Variants in SZT2 observed in about 807,000 individuals in gnomAD.
SZT2 encodes the protein KICSTOR complex protein SZT2.
SZT2 carries 216 observed loss-of-function variants against 404.2 expected under a neutral mutation model. The ratio of observed to expected loss-of-function variants is 0.53; its 90% CI spans 0.48 to 0.60. The LOEUF (loss-of-function observed/expected upper bound fraction) is 0.60. Ranked by LOEUF, SZT2 falls within the 20% of genes least tolerant of loss-of-function variation. The pLI, the probability that SZT2 is intolerant of heterozygous loss-of-function variation, is 0.00. For synonymous variants in SZT2, 1,693 were observed against 1,749.9 expected, an observed-to-expected ratio of 0.97 and a Z score of 0.81; for missense variants, 3,857 against 4,459.2, an observed-to-expected ratio of 0.86 and a Z score of 3.85.
In SZT2 at chr1:43,431,365, G is replaced by A; in HGVS notation, c.5017G>A (p.Glu1673Lys). The A allele has an allele frequency of 4.3e-6, 7 of 1,612,364 alleles. No individual in the cohort carries two copies. The highest frequency in any genetic ancestry group is 5.1e-6 in the Non-Finnish European group (6 of 1,178,526). ...CGGGCCCCCACTGCCACCCCCAGAAGAGGAGAGGTACTTCTTTATCTCCCT... is the reference window on the plus strand; with the variant it reads ...CGGGCCCCCACTGCCACCCCCAGAAAAGGAGAGGTACTTCTTTATCTCCCT... ...GLGPPLPPPE[E>K]ERHPGLSNLA... Residue 1673 changes from glutamate (E) to lysine (K), a missense_variant, in exon 34 of 72, where the codon GAG becomes AAG. Glu to Lys is a moderately conservative substitution (Grantham distance 56). Around this residue, in one of 7 missense-constraint regions of SZT2, gnomAD observed 1,725 missense variants for 1,881.0 expected, o/e 0.92. Transcript: ENST00000634258.
chr1:43,451,781 T>G lies in SZT2; in HGVS notation c.*1301T>G. On this transcript the variant is annotated 3_prime_UTR_variant, in exon 72 of 72. Transcript: ENST00000634258. ...CCCGCCCTCCTTCCGATCTGCGAAGTACCCCCTTCCACTTACCATTTGTAA... is the reference window on the plus strand; with the variant it reads ...CCCGCCCTCCTTCCGATCTGCGAAGGACCCCCTTCCACTTACCATTTGTAA... The G allele has an allele frequency of 6.2e-7, 1 of 1,614,110 alleles. No homozygotes were observed. Among genetic ancestry groups the G allele is most frequent in the South Asian group, 1.1e-5 (1 of 91,080 alleles).
At position 43,453,949 on chromosome 1, in the gene SZT2, C is replaced by A. The variant is rs888881900; in HGVS notation, c.*3469C>A. ...AAGCGAAGTGCTGTAAAAACCCGGG[C>A]CTTCACGAAAAGCGCCTACGGTTAG... On this transcript the variant is annotated 3_prime_UTR_variant, in exon 72 of 72. Coordinates refer to ENST00000634258, the MANE Select transcript of SZT2 (RefSeq NM_001365999.1). 1.7e-6 allele frequency: 2 copies of A among 1,199,888 alleles called. No homozygotes were observed. The highest frequency in any genetic ancestry group is 2.1e-6 in the Non-Finnish European group (2 of 967,716). 74.3% of individuals were successfully genotyped at this position (1,199,888 alleles called of 1,614,324 possible). A position where few individuals can be genotyped will look rare whatever the true frequency, so the allele number is the denominator to read the frequency against.
At position 43,420,775 on chromosome 1, in the gene SZT2, G is replaced by A. The variant is rs544287615; in HGVS notation, c.1288G>A (p.Val430Met). ...AGGGTCCCAATTGGAGGTAAAGCTG[G>A]TGCTGCTGTGGAAACACAACATGCG... ...KGGSQLEVKLVLLWKHNMRIE... is the reference protein window; with the variant it reads ...KGGSQLEVKLMLLWKHNMRIE... The change falls in exon 10 of 72, where the codon GTG becomes ATG. Residue 430 changes from valine (V) to methionine (M), a missense_variant. Val to Met is a conservative substitution (Grantham distance 21). Coordinates refer to ENST00000634258, the MANE Select transcript of SZT2 (RefSeq NM_001365999.1). The surrounding 1 kb of genome is among the most constrained non-coding windows in gnomAD (Gnocchi z 5.1). 1.3e-5 allele frequency: 20 copies of A among 1,598,424 alleles called. No individual in the cohort carries two copies. Among genetic ancestry groups the A allele is most frequent in the African/African-American group, 2.7e-5 (2 of 75,036 alleles).
chr1:43,401,632 C>T (rs367915016), intron 1 of SZT2, among the ~76,000 whole-genome samples: 38 of 151,992 alleles, frequency 2.5e-4, no homozygotes, highest in African/African-American at 8.2e-4. Context: ...ATTACAGGTG[C>T]CTGCCACCAC....
At chr1:43,440,377 C>A in intron 51 of SZT2, 76 bp from the exon 52 acceptor site, 3 of 1,508,716 alleles carry the variant, frequency 2.0e-6, no homozygotes, top group Non-Finnish European at 1.8e-6. Flanking sequence ...CACTGTCATA[C>A]CAGTCTTGAG....
rs779096579 is a variant in SZT2 at position 43,420,736 on chromosome 1, G to A, written c.1262-13G>A. The A allele has an allele frequency of 1.9e-6, 3 of 1,597,420 alleles. No homozygotes were observed. Among genetic ancestry groups the A allele is most frequent in the African/African-American group, 1.3e-5 (1 of 75,002 alleles). ...ATGCCTTCTCCTAACTGGCCCTTCC[G>A]CTTCTCCCTAAGGAGGGTCCCAATT... is the stretch of plus-strand genomic sequence containing the variant. On this transcript the variant is annotated splice_polypyrimidine_tract_variant and intron_variant, in intron 9 of 71. Coordinates refer to ENST00000634258, the MANE Select transcript of SZT2 (RefSeq NM_001365999.1). This position sits in a 1 kb window ranked among gnomAD's most constrained non-coding sequence, Gnocchi z 5.1.
In SZT2 at chr1:43,437,056, T is replaced by C. The variant is rs1654531759; in HGVS notation, c.6035-115T>C. 1 of 1,331,662 alleles carries C rather than the reference T, an allele frequency of 7.5e-7. No homozygotes were observed. The highest frequency in any genetic ancestry group is 1.0e-6 in the Non-Finnish European group (1 of 961,900). 82.5% of individuals were successfully genotyped at this position (1,331,662 alleles called of 1,614,324 possible). A position where few individuals can be genotyped will look rare whatever the true frequency, so the allele number is the denominator to read the frequency against. ...CAGAATGATCATCATTTCTCTGCAA[T>C]AGTCAGGGATGAGTCTGGAGGAGTG... On this transcript the variant is annotated intron_variant, in intron 42 of 71. Coordinates refer to ENST00000634258, the MANE Select transcript of SZT2 (RefSeq NM_001365999.1). This position sits in a 1 kb window ranked among gnomAD's most constrained non-coding sequence, Gnocchi z 5.3.
intron 65 of SZT2, 173 bp from the exon 66 acceptor site, chr1:43,446,782 A>G: frequency 1.5e-6 from 1 of 671,552 alleles, no homozygotes; most frequent in Non-Finnish European, 2.5e-6. Flanking sequence ...AGTATGAAAA[A>G]GGGAGGCTAG....
At chr1:43,394,142 A>T (rs936898811) in intron 1 of SZT2, 41 of 940,588 alleles carry the variant, frequency 4.4e-5, no homozygotes, top group Non-Finnish European at 5.2e-5. Flanking sequence ...GGGATTCTCA[A>T]ATGTTAATGT....
rs1273218078 is a variant in SZT2 at position 43,432,270 on chromosome 1, A to G, written c.5275-2A>G. The G allele has an allele frequency of 1.3e-6, 2 of 1,546,372 alleles. No individual in the cohort carries two copies. Among genetic ancestry groups the G allele is most frequent in the Non-Finnish European group, 1.7e-6 (2 of 1,149,230 alleles). The stretch of plus-strand genomic sequence containing the variant: ...ACTGTGATCTTGGCTCCTGCTCTCT[A>G]GGAGTTCCGCCGCCTCCATCTCCCT... On this transcript the variant is annotated splice_acceptor_variant, in intron 36 of 71. Transcript: ENST00000634258. LOFTEE classifies it high-confidence loss of function.
In SZT2 at chr1:43,440,007, A is replaced by G. The variant is rs1404132920; in HGVS notation, c.7169A>G (p.Gln2390Arg). The change falls in exon 51 of 72, where the codon CAG becomes CGG. Residue 2390 changes from glutamine (Q) to arginine (R), a missense_variant. Coordinates refer to ENST00000634258, the MANE Select transcript of SZT2 (RefSeq NM_001365999.1). Reference protein sequence around the residue: ...QALADAIIELQLLPASLCTED... With the variant: ...QALADAIIELRLLPASLCTED... ...CTGGCCGATGCCATCATCGAGCTTC[A>G]GCTGCTGCCAGCTTCACTATGTACA... The G allele has an allele frequency of 3.7e-6, 6 of 1,614,024 alleles. No homozygotes were observed. The African/African-American group carries it at 8.0e-5, about 22-fold the overall frequency.
intron 1 of SZT2, among the ~76,000 whole-genome samples, chr1:43,402,524 T>A (rs1385780785): frequency 6.6e-6 from 1 of 152,112 alleles, no homozygotes; most frequent in African/African-American, 2.4e-5. Flanking sequence ...GTCAGATTCA[T>A]CCCCAGATAA....
chr1:43,432,182 T>C (rs1653975138), intron 36 of SZT2, 90 bp from the exon 37 acceptor site: 1 of 1,356,792 alleles, frequency 7.4e-7, no homozygotes, highest in Non-Finnish European at 1.0e-6. Flanking sequence ...CTTTACCAGG[T>C]AGTTAGGAGC....
chr1:43,404,603 C>G (rs1570568834), intron 4 of SZT2, 53 bp downstream of exon 4: 1 of 1,569,092 alleles, frequency 6.4e-7, no homozygotes, highest in East Asian at 2.3e-5. Context: ...TCTATTAGTC[C>G]TCTGACCAAG....
rs1286698404 is a variant in SZT2, at chr1:43,451,389, T to C, written c.*909T>C. The C allele has an allele frequency of 6.2e-7, 1 of 1,611,918 alleles. No homozygotes were observed. The highest frequency in any genetic ancestry group is 1.3e-5 in the African/African-American group (1 of 74,932). On this transcript the variant is annotated 3_prime_UTR_variant, in exon 72 of 72. Transcript: ENST00000634258. ...CTGTCCGGGTCCCTCCAGAGCTCCC[T>C]TCCCCAGGGCCACGCCTCACCTCGA...
rs749179825 is a variant in SZT2, at chr1:43,441,727, C to A, written c.7651C>A (p.Arg2551=). The A allele has an allele frequency of 6.2e-7, 1 of 1,614,060 alleles. No homozygotes were observed. The highest frequency in any genetic ancestry group is 1.3e-5 in the African/African-American group (1 of 74,914). The change falls in exon 55 of 72, where the codon CGG becomes AGG. Residue 2551 remains arginine, a synonymous_variant. Coordinates refer to ENST00000634258, the MANE Select transcript of SZT2 (RefSeq NM_001365999.1). This position sits in a 1 kb window ranked among gnomAD's most constrained non-coding sequence, Gnocchi z 4.8. The stretch of plus-strand genomic sequence containing the variant: ...CAGAAGCTCTGCCCACATGGTGTCC[C>A]GGTTCCTCCTTCCATCCATCCTGTC... ...VSRSSAHMVS[R]FLLPSILSEF...
rs200171270 is a variant in SZT2 at position 43,392,063 on chromosome 1, G to A, written c.27+2068G>A. Reference sequence around the variant, plus strand: ...TGTGCCACTGCAGTCCAGCCTGGGCGACAGAGCGAGACTCCGTCTCAAAAA... The same window carrying A: ...TGTGCCACTGCAGTCCAGCCTGGGCAACAGAGCGAGACTCCGTCTCAAAAA... On this transcript the variant is annotated intron_variant, in intron 1 of 71. Coordinates refer to ENST00000634258, the MANE Select transcript of SZT2 (RefSeq NM_001365999.1). Among the ~76,000 whole-genome samples the A allele has an allele frequency of 1.9e-4, 2 of 10,458 alleles. 1 individual carries two copies. Among genetic ancestry groups the A allele is most frequent in the Non-Finnish European group, 3.7e-4 (2 of 5,352 alleles). The allele number at this position is 10,458 out of a possible 152,430, so 6.9% of individuals were successfully genotyped here. A position where few individuals can be genotyped will look rare whatever the true frequency, so the allele number is the denominator to read the frequency against.
rs1655823555 is a variant in SZT2, at chr1:43,447,533, C to T, written c.9287-12C>T. ...GCTTAGTGTCTGCTGTCTCCTGTTA[C>T]TTATCCCTCAGGGACATTGGAGCTC... On this transcript the variant is annotated splice_polypyrimidine_tract_variant and intron_variant, in intron 66 of 71. Coordinates refer to ENST00000634258, the MANE Select transcript of SZT2 (RefSeq NM_001365999.1). 3 of 1,612,768 alleles carry T rather than the reference C, an allele frequency of 1.9e-6. No individual in the cohort carries two copies. Among genetic ancestry groups the T allele is most frequent in the Non-Finnish European group, 2.5e-6 (3 of 1,179,440 alleles).
At chr1:43,422,663 C>CCCCCCCCCCCCCCCCCCCCCCCCCCT in intron 13 of SZT2, 31 bp downstream of exon 13, 1 of 764,752 alleles carries the variant, frequency 1.3e-6, no homozygotes, top group Non-Finnish European at 1.8e-6. Context: ...TCACCCCCCG[C>CCCCCCCCCCCCCCCCCCCCCCCCCCT]CCCCCCACCC....
Sources: allele counts gnomAD v4.1 joint callset (sites outside exome capture counted in the v4.1 genomes callset), GRCh38; gene constraint gnomAD v4.1.1; regional missense constraint gnomAD v4.1.1; non-coding constraint Gnocchi (gnomAD v3.1); transcripts MANE v1.5; gene names NCBI Gene and HGNC (gene_info 2026-07-23, HGNC 2026-07-21).